The following DYM variants were observed in gnomAD, a reference collection of about 807,000 sequenced individuals.
DYM encodes the protein dyggve-Melchior-Clausen syndrome protein.
DYM carries 78 observed loss-of-function variants against 93.1 expected under a neutral mutation model. The ratio of observed to expected loss-of-function variants is 0.84; its 90% CI spans 0.70 to 1.01. DYM has a LOEUF of 1.01. Ranked by LOEUF, DYM falls within the 50% of genes least tolerant of loss-of-function variation. The pLI is 0.00. For synonymous variants in DYM, 321 were observed against 319.7 expected (o/e 1.00, Z -0.04); for missense variants, 789 against 845.0 (o/e 0.93, Z 0.82).
intron 17 of DYM, among the ~76,000 whole-genome samples, chr18:49,058,059 C>A (rs2075649851): frequency 6.6e-6 from 1 of 152,220 alleles, no homozygotes; most frequent in South Asian, 2.1e-4. Flanking sequence ...TCCAAGCAGT[C>A]CCAGAGAAGG....
chr18:49,289,404 T>TAAAAAAAAAAAAAAAAAAAAAAAAAAAAA (rs56240607), intron 8 of DYM, among the ~76,000 whole-genome samples: 2 of 33,508 alleles, frequency 6.0e-5, no homozygotes, highest in African/African-American at 2.4e-4. Context: ...TACAAATCAG[T>TAAAAAAAAAAAAAAAAAAAAAAAAAAAAA]AAAAAAAAAA....
chr18:49,203,528 G>C (rs897994388), intron 14 of DYM, among the ~76,000 whole-genome samples: 12 of 146,346 alleles, frequency 8.2e-5, no homozygotes, highest in Non-Finnish European at 1.5e-4. Context: ...CTCTGCCTTG[G>C]GATCCTGTTG....
intron 3 of DYM, among the ~76,000 whole-genome samples, chr18:49,381,626 T>G (rs1005691093): frequency 2.2e-4 from 34 of 152,318 alleles, no homozygotes; most frequent in African/African-American, 7.2e-4. Context: ...TAAATGCAAA[T>G]GGACTGCACA....
chr18:49,258,861 GAGAGAGAGAGAGAGAGA>G (rs2094442809), intron 11 of DYM, among the ~76,000 whole-genome samples: 1 of 112,334 alleles, frequency 8.9e-6, no homozygotes, highest in African/African-American at 2.9e-5. Flanking sequence ...GAGAGAGAGA[GAGAGAGAGAGAGAGAGA>G]GAGAGAGATA....
intron 17 of DYM, among the ~76,000 whole-genome samples, chr18:49,076,073 A>G (rs550633401): frequency 2.0e-5 from 3 of 152,294 alleles, no homozygotes; most frequent in South Asian, 4.1e-4. Context: ...AGTAAATTTC[A>G]AAAAAGCAAA....
chr18:49,428,387 T>C (rs556152829), intron 2 of DYM, among the ~76,000 whole-genome samples: 2 of 152,002 alleles, frequency 1.3e-5, no homozygotes, highest in South Asian at 4.2e-4. Context: ...AAGTTAGTAG[T>C]AGTTATTAAA....
At chr18:49,454,665 C>G (rs35755610) in intron 1 of DYM, among the ~76,000 whole-genome samples, 1 of 151,496 alleles carries the variant, frequency 6.6e-6, no homozygotes, top group Non-Finnish European at 1.5e-5. Flanking sequence ...TTTGGGAGGC[C>G]GAGGCCGGTG....
At chr18:49,413,476 TC>T (rs2072533204) in intron 2 of DYM, among the ~76,000 whole-genome samples, 2 of 152,164 alleles carry the variant, frequency 1.3e-5, no homozygotes, top group South Asian at 4.1e-4. Flanking sequence ...ATTTTATCAT[TC>T]TATTTTATCA....
intron 17 of DYM, among the ~76,000 whole-genome samples, chr18:49,071,965 C>T (rs2076928315): frequency 6.6e-6 from 1 of 152,204 alleles, no homozygotes; most frequent in Admixed American, 6.5e-5. Context: ...CTGCGCCTTA[C>T]CCCTGGGCCT....
intron 13 of DYM, among the ~76,000 whole-genome samples, chr18:49,213,196 T>C (rs1279490525): frequency 6.6e-6 from 1 of 151,792 alleles, no homozygotes; most frequent in Non-Finnish European, 1.5e-5. Context: ...AGCAAAAGAG[T>C]AATGCTTAAA....
chr18:49,075,029 G>A (rs967353071), intron 17 of DYM, among the ~76,000 whole-genome samples: 6 of 152,144 alleles, frequency 3.9e-5, no homozygotes, highest in African/African-American at 9.7e-5. Flanking sequence ...GAGACAGACA[G>A]GCTGGGTGTC....
chr18:49,415,978 A>G (rs2072943525), intron 2 of DYM, among the ~76,000 whole-genome samples: 1 of 152,090 alleles, frequency 6.6e-6, no homozygotes, highest in Non-Finnish European at 1.5e-5. Flanking sequence ...GACTATTACT[A>G]TAATCACTGT....
chr18:49,241,984 C>A (rs2094022647), intron 13 of DYM, among the ~76,000 whole-genome samples: 1 of 152,204 alleles, frequency 6.6e-6, no homozygotes, highest in Non-Finnish European at 1.5e-5. Context: ...TTTCCCAGCA[C>A]TACAACATGC....
intron 15 of DYM, among the ~76,000 whole-genome samples, chr18:49,145,213 T>TTA (rs2084990697): frequency 6.7e-6 from 1 of 148,588 alleles, no homozygotes; most frequent in Admixed American, 6.7e-5. Context: ...CTAATGTGTT[T>TTA]TATTAAACTC....
chr18:49,106,268 C>T (rs998151896), intron 16 of DYM, among the ~76,000 whole-genome samples: 1 of 152,184 alleles, frequency 6.6e-6, no homozygotes, highest in Non-Finnish European at 1.5e-5. Flanking sequence ...GTAGATCTTC[C>T]TCCATCCCTT....
chr18:49,110,668 T>A (rs1392426095), intron 16 of DYM, among the ~76,000 whole-genome samples: 4 of 152,172 alleles, frequency 2.6e-5, no homozygotes, highest in African/African-American at 9.6e-5. Flanking sequence ...GATGTTTAAA[T>A]ATAATGTCTT....
chr18:49,384,304 A>G (rs1448490858), intron 3 of DYM, among the ~76,000 whole-genome samples: 5 of 138,216 alleles, frequency 3.6e-5, no homozygotes, highest in Admixed American at 3.1e-4. Flanking sequence ...CATGAGCGAC[A>G]GAGTGAGACC....
At chr18:49,052,138 C>T (rs999164073) in intron 17 of DYM, among the ~76,000 whole-genome samples, 2 of 152,232 alleles carry the variant, frequency 1.3e-5, no homozygotes, top group Non-Finnish European at 2.9e-5. Context: ...TGGTAAGGAG[C>T]TTCCTTTTTC....
At chr18:49,449,864 G>A (rs1374195537) in intron 1 of DYM, among the ~76,000 whole-genome samples, 2 of 152,034 alleles carry the variant, frequency 1.3e-5, no homozygotes, top group South Asian at 2.1e-4. Context: ...CTTTGTCTGG[G>A]TCCTAGACTC....
Sources: gnomAD v4.1 joint callset for allele counts (sites outside exome capture counted in the v4.1 genomes callset) on GRCh38, gnomAD v4.1.1 for gene constraint, MANE v1.5 for transcripts, NCBI Gene and HGNC (gene_info 2026-07-23, HGNC 2026-07-21) for gene names.